Variants in ATOSA observed in about 807,000 individuals in gnomAD.
ATOSA encodes the protein atos homolog A.
the ATOSA span, among the ~76,000 whole-genome samples, chr15:52,597,897 G>T: frequency 6.6e-6 from 1 of 152,180 alleles, no homozygotes; most frequent in Non-Finnish European, 1.5e-5. Context: ...GGCCGAGGCA[G>T]GTGGATCACC....
At chr15:52,634,539 G>GA in the ATOSA span, among the ~76,000 whole-genome samples, 1 of 150,756 alleles carries the variant, frequency 6.6e-6, no homozygotes, top group Non-Finnish European at 1.5e-5. Context: ...TGTGAGATTA[G>GA]ATTTTTTTTT....
chr15:52,665,489 T>C, the ATOSA span, among the ~76,000 whole-genome samples: 1 of 152,016 alleles, frequency 6.6e-6, no homozygotes, highest in African/African-American at 2.4e-5. Context: ...CTAACAAGAG[T>C]GTCAAGTAGG....
the ATOSA span, among the ~76,000 whole-genome samples, chr15:52,685,355 G>A: frequency 6.6e-6 from 1 of 152,138 alleles, no homozygotes; most frequent in Non-Finnish European, 1.5e-5. Context: ...TAAGGGCACA[G>A]CCTAGATATA....
the ATOSA span, among the ~76,000 whole-genome samples, chr15:52,699,125 T>C: frequency 1.3e-5 from 2 of 152,162 alleles, no homozygotes; most frequent in Non-Finnish European, 2.9e-5. Flanking sequence ...CTCGGACAAG[T>C]AAAAACCTAG....
chr15:52,628,671 ACTC>A, the ATOSA span, among the ~76,000 whole-genome samples: 1 of 152,274 alleles, frequency 6.6e-6, no homozygotes, highest in African/African-American at 2.4e-5. Flanking sequence ...TGTTATTTAA[ACTC>A]CTCAAATGAT....
chr15:52,617,258 C>T, the ATOSA span, among the ~76,000 whole-genome samples: 1 of 152,156 alleles, frequency 6.6e-6, no homozygotes, highest in African/African-American at 2.4e-5. Flanking sequence ...CCCCAGGCCA[C>T]ATGTGTCTCC....
At chr15:52,591,387 T>C in the ATOSA span, among the ~76,000 whole-genome samples, 1 of 152,150 alleles carries the variant, frequency 6.6e-6, no homozygotes, top group Admixed American at 6.5e-5. Flanking sequence ...TGTGCCACCA[T>C]GCTCGGCTAA....
the ATOSA span, among the ~76,000 whole-genome samples, chr15:52,588,882 A>T: frequency 1.3e-5 from 2 of 152,232 alleles, no homozygotes; most frequent in Non-Finnish European, 2.9e-5. Flanking sequence ...TACATTGTAC[A>T]TGCCAAACTT....
chr15:52,608,902 C>T, the ATOSA span: 1 of 1,608,200 alleles, frequency 6.2e-7, no homozygotes, highest in Non-Finnish European at 8.5e-7. Flanking sequence ...CTGAAGATTG[C>T]CAAAGAATTT....
At chr15:52,619,846 A>G in the ATOSA span, among the ~76,000 whole-genome samples, 2 of 151,974 alleles carry the variant, frequency 1.3e-5, no homozygotes, top group African/African-American at 4.8e-5. Context: ...AGAAAAGAAA[A>G]GAAAAGAAAA....
At chr15:52,654,013 A>C in the ATOSA span, among the ~76,000 whole-genome samples, 5 of 152,190 alleles carry the variant, frequency 3.3e-5, no homozygotes, top group African/African-American at 1.2e-4. Flanking sequence ...CAAATTTAAA[A>C]ATTTTTTGGA....
chr15:52,698,555 C>G, the ATOSA span, among the ~76,000 whole-genome samples: 1 of 152,102 alleles, frequency 6.6e-6, no homozygotes, highest in Non-Finnish European at 1.5e-5. Flanking sequence ...AAAAAATAAT[C>G]AGCTCCAACA....
the ATOSA span, among the ~76,000 whole-genome samples, chr15:52,583,058 G>A: frequency 6.6e-6 from 1 of 152,148 alleles, no homozygotes; most frequent in Admixed American, 6.5e-5. Context: ...AAGATGTGGT[G>A]GTTACAGCTC....
chr15:52,648,872 C>G, the ATOSA span: 1 of 152,054 alleles, frequency 6.6e-6, no homozygotes, highest in Non-Finnish European at 1.5e-5. Flanking sequence ...TAAACCTTCT[C>G]TTCAAGTCCT....
the ATOSA span, among the ~76,000 whole-genome samples, chr15:52,669,504 A>G: frequency 1.3e-5 from 2 of 152,232 alleles, no homozygotes; most frequent in African/African-American, 4.8e-5. Context: ...TTCACAAAAG[A>G]AAATTGCTAA....
chr15:52,616,125 G>A, the ATOSA span, among the ~76,000 whole-genome samples: 2 of 152,122 alleles, frequency 1.3e-5, no homozygotes, highest in East Asian at 1.9e-4. Context: ...ATATTATAAC[G>A]TACTGTGATA....
At chr15:52,662,295 A>T in the ATOSA span, among the ~76,000 whole-genome samples, 2 of 152,176 alleles carry the variant, frequency 1.3e-5, no homozygotes, top group Non-Finnish European at 2.9e-5. Flanking sequence ...CAGACCTTAC[A>T]TGAAACTGAA....
the ATOSA span, among the ~76,000 whole-genome samples, chr15:52,665,463 T>C: frequency 6.6e-6 from 1 of 152,224 alleles, no homozygotes; most frequent in Non-Finnish European, 1.5e-5. Context: ...GTGTGAGTTT[T>C]GCTCATACAT....
chr15:52,593,506 C>CA, the ATOSA span: 1 of 1,381,490 alleles, frequency 7.2e-7, no homozygotes, highest in Admixed American at 2.4e-5. Context: ...TCAAGTACTG[C>CA]ATCAAAGCAC....
Sources: allele counts gnomAD v4.1 joint callset (sites outside exome capture counted in the v4.1 genomes callset), GRCh38; gene constraint gnomAD v4.1.1; transcripts MANE v1.5; gene names NCBI Gene and HGNC (gene_info 2026-07-23, HGNC 2026-07-21).